The following MMEL1 variants were observed in gnomAD, a reference collection of about 807,000 sequenced individuals.
The protein encoded by MMEL1 is membrane metallo-endopeptidase-like 1.
Under a neutral mutation model 117.1 loss-of-function variants are expected in MMEL1, and 98 were observed. That is an observed-to-expected ratio of 0.84 (90% CI 0.71 to 0.99). MMEL1 has a LOEUF of 0.99. Among genes scored for constraint, MMEL1 ranks in the 50% least tolerant of loss-of-function variants. The probability of loss-of-function intolerance (pLI) is 0.00; values close to 1 mark genes in which losing one functional copy is unlikely to be tolerated. For synonymous variants in MMEL1, 390 were observed against 415.1 expected (o/e 0.94, Z 0.74); for missense variants, 1,014 against 1,049.1 (o/e 0.97, Z 0.46).
Position 2,612,280 on chromosome 1 carries a change from A to G in MMEL1, c.155-76T>C. On this transcript the variant is annotated intron_variant, in intron 2 of 23. Coordinates refer to ENST00000378412, the MANE Select transcript of MMEL1 (RefSeq NM_033467.4). This position sits in a 1 kb window ranked among gnomAD's most constrained non-coding sequence, Gnocchi z 5.4. ...GGGGTGCTGGGGGCCTCCCTGGGTCAGCACGCCATCTTCCCACAGTGCTGG... is the reference window on the plus strand; with the variant it reads ...GGGGTGCTGGGGGCCTCCCTGGGTCGGCACGCCATCTTCCCACAGTGCTGG... The G allele has an allele frequency of 7.9e-7, 1 of 1,258,134 alleles. No homozygotes were observed. The highest frequency in any genetic ancestry group is 1.5e-5 in the African/African-American group (1 of 67,388). 77.9% of individuals were successfully genotyped at this position (1,258,134 alleles called of 1,614,324 possible).
intron 11 of MMEL1, among the ~76,000 whole-genome samples, chr1:2,603,073 G>T (rs970080789): frequency 3.9e-5 from 6 of 152,212 alleles, no homozygotes; most frequent in Admixed American, 2.6e-4. Context: ...CCAGCCCTGG[G>T]GACCAGAACC....
chr1:2,606,885 G>T (rs1310551077), intron 7 of MMEL1, 89 bp downstream of exon 7: 8 of 1,213,736 alleles, frequency 6.6e-6, no homozygotes, highest in African/African-American at 1.5e-5. Flanking sequence ...TGGGGGTGGG[G>T]TCCCCTCCTG....
intron 16 of MMEL1, 68 bp from the exon 17 acceptor site, chr1:2,594,961 C>G: frequency 7.2e-7 from 1 of 1,388,078 alleles, no homozygotes; most frequent in Non-Finnish European, 1.0e-6. Context: ...GGGAGAGGTC[C>G]TGGGTGGTTG....
chr1:2,630,475 T>C (rs1474592887), intron 1 of MMEL1, among the ~76,000 whole-genome samples: 1 of 151,356 alleles, frequency 6.6e-6, no homozygotes, highest in Admixed American at 6.6e-5. Context: ...TGTGTGCATG[T>C]GTGTGTGTGC....
Position 2,604,135 on chromosome 1 carries a change from C to CCCCCCCCAAACCAT in MMEL1, c.951+11_951+12insATGGTTTGGGGGGG. ...CTCGCTGCCCGCTCCCCACCCGCCC[C>CCCCCCCCAAACCAT]GGCCCCCTTACCTTGGCCAGCTGTG... On this transcript the variant is annotated intron_variant, in intron 10 of 23. Coordinates refer to ENST00000378412, the MANE Select transcript of MMEL1 (RefSeq NM_033467.4). 12 of 1,520,148 alleles carry CCCCCCCCAAACCAT rather than the reference C, an allele frequency of 7.9e-6. No homozygotes were observed. Among genetic ancestry groups the CCCCCCCCAAACCAT allele is most frequent in the South Asian group, 1.1e-5 (1 of 88,220 alleles). The allele number at this position is 1,520,148 out of a possible 1,614,324, so 94.2% of individuals were successfully genotyped here.
At chr1:2,619,880 G>A (rs1470705180) in intron 2 of MMEL1, among the ~76,000 whole-genome samples, 1 of 152,072 alleles carries the variant, frequency 6.6e-6, no homozygotes, top group Non-Finnish European at 1.5e-5. Context: ...GAATGCAGGA[G>A]AAAGTCAACA....
At position 2,603,924 on chromosome 1, in the gene MMEL1, C is replaced by A; in HGVS notation, c.1001G>T (p.Arg334Leu). 6.2e-7 allele frequency: 1 copy of A among 1,613,910 alleles called. No individual in the cohort carries two copies. Among genetic ancestry groups the A allele is most frequent in the Non-Finnish European group, 8.5e-7 (1 of 1,179,998 alleles). The change falls in exon 11 of 24, where the codon CGG becomes CTG. Residue 334 changes from arginine to leucine, a missense_variant. Arg to Leu is a moderately radical substitution (Grantham distance 102, BLOSUM62 -2). Transcript: ENST00000378412. ...GCTTTGCAGCTCCTCCAGTCCCATCCGGTGGTACAAGGCGATGACGTCGTG... is the reference window on the plus strand; with the variant it reads ...GCTTTGCAGCTCCTCCAGTCCCATCAGGTGGTACAAGGCGATGACGTCGTG... The part of the protein sequence containing the change: ...ERHDVIALYH[R>L]MGLEELQSQF...
intron 2 of MMEL1, among the ~76,000 whole-genome samples, chr1:2,617,711 A>G (rs1645226737): frequency 6.6e-6 from 1 of 152,130 alleles, no homozygotes; most frequent in Non-Finnish European, 1.5e-5. Flanking sequence ...CAGGGCATGA[A>G]CCTCCAGACC....
In MMEL1 at chr1:2,592,735, C is replaced by A. The variant is rs1422269673; in HGVS notation, c.2002-15G>T. On this transcript the variant is annotated splice_polypyrimidine_tract_variant and intron_variant, in intron 20 of 23. Coordinates refer to ENST00000378412, the MANE Select transcript of MMEL1 (RefSeq NM_033467.4). ...AATCCGTTCACCTGCGCACAGGAGA[C>A]AGGATTGGGGCAGCCCCGGCCCTGA... 1.2e-6 allele frequency: 2 copies of A among 1,611,344 alleles called. No individual in the cohort carries two copies. The highest frequency in any genetic ancestry group is 1.7e-6 in the Non-Finnish European group (2 of 1,178,936).
intron 21 of MMEL1, among the ~76,000 whole-genome samples, chr1:2,592,378 A>G (rs1238525773): frequency 4.4e-5 from 1 of 22,836 alleles, no homozygotes. Flanking sequence ...CTGTGCTGGC[A>G]CCCCCTCCCC....
rs5772070 is a variant in MMEL1 at position 2,592,221 on chromosome 1, CGG to C, written c.2068-196_2068-195del. ...CTCAGGGACCCCTGAGCTGGGCCCT[CGG>C]GGGGGGATCCCTGGCCAGACAGCCC... On this transcript the variant is annotated intron_variant, in intron 21 of 23. Transcript: ENST00000378412. 3.1e-4 allele frequency among the ~76,000 whole-genome samples: 33 copies of C among 107,728 alleles called. 5 individuals are homozygous for C. The highest frequency in any genetic ancestry group is 5.8e-4 in the Non-Finnish European group (30 of 51,736). The allele number at this position is 107,728 out of a possible 152,430, so 70.7% of individuals were successfully genotyped here. A position where few individuals can be genotyped will look rare whatever the true frequency, so the allele number is the denominator to read the frequency against.
Position 2,629,313 on chromosome 1 carries a change from C to T in MMEL1, c.154+18G>A. The T allele has an allele frequency of 1.3e-6, 2 of 1,512,860 alleles. No homozygotes were observed. Among genetic ancestry groups the T allele is most frequent in the African/African-American group, 1.4e-5 (1 of 70,930 alleles). 93.7% of individuals were successfully genotyped at this position (1,512,860 alleles called of 1,614,324 possible). ...GAGCGGGCACGGGGACAGGCGGGGG[C>T]GGGGCACCCGCACTCACCTCTGCGG... On this transcript the variant is annotated intron_variant, in intron 2 of 23. Coordinates refer to ENST00000378412, the MANE Select transcript of MMEL1 (RefSeq NM_033467.4).
intron 2 of MMEL1, among the ~76,000 whole-genome samples, chr1:2,617,949 T>C (rs1329065631): frequency 2.0e-5 from 3 of 152,282 alleles, no homozygotes; most frequent in Non-Finnish European, 4.4e-5. Flanking sequence ...TTTGTTCTTT[T>C]ATATTTGCTT....
chr1:2,604,117 C>T (rs1010523778), intron 10 of MMEL1, 30 bp downstream of exon 10: 3 of 1,517,458 alleles, frequency 2.0e-6, no homozygotes, highest in African/African-American at 2.7e-5. Context: ...CCACTCGCTG[C>T]CCGCTCCCCA....
At chr1:2,602,316 G>A (rs1030689943) in intron 11 of MMEL1, among the ~76,000 whole-genome samples, 4 of 152,134 alleles carry the variant, frequency 2.6e-5, no homozygotes, top group Non-Finnish European at 5.9e-5. Flanking sequence ...ACTCTGGGGC[G>A]ATTCTGAACA....
intron 11 of MMEL1, among the ~76,000 whole-genome samples, chr1:2,599,119 T>C (rs2843404): frequency 0.58 from 88,421 of 152,140 alleles, 26,802 homozygotes; most frequent in Non-Finnish European, 0.68. Context: ...AACTTTCCAA[T>C]AAAGAAATTT....
chr1:2,591,244 C>A (rs1348424042), intron 23 of MMEL1, 155 bp from the exon 24 acceptor site: 9 of 607,894 alleles, frequency 1.5e-5, no homozygotes, highest in Non-Finnish European at 2.6e-5. Context: ...AAACCCCCAT[C>A]TGACCAGAAA....
At chr1:2,622,635 A>C (rs1349181328) in intron 2 of MMEL1, among the ~76,000 whole-genome samples, 1 of 152,144 alleles carries the variant, frequency 6.6e-6, no homozygotes, top group Non-Finnish European at 1.5e-5. Flanking sequence ...CTGCAATCTC[A>C]GCACTTTGGG....
chr1:2,596,436 C>G, intron 14 of MMEL1, 125 bp downstream of exon 14: 1 of 1,371,654 alleles, frequency 7.3e-7, no homozygotes, highest in South Asian at 1.4e-5. Flanking sequence ...CCCTTAGCCT[C>G]CCTCTGTCTG....
Sources: gnomAD v4.1 joint callset for allele counts (sites outside exome capture counted in the v4.1 genomes callset) on GRCh38, gnomAD v4.1.1 for gene constraint, Gnocchi (gnomAD v3.1) non-coding constraint, MANE v1.5 for transcripts, NCBI Gene and HGNC (gene_info 2026-07-23, HGNC 2026-07-21) for gene names.